Variants in ABCC11 observed in about 807,000 individuals in gnomAD.
ABCC11 encodes ATP-binding cassette sub-family C member 11.
In ABCC11, 135 loss-of-function variants were observed where a neutral mutation model predicts 149.3. That is an observed-to-expected ratio of 0.90 (90% confidence interval 0.79 to 1.04). The LOEUF is 1.04. Among genes scored for constraint, ABCC11 ranks in the 50% least tolerant of loss-of-function variants. ABCC11 has a pLI of 0.00. For missense variants in ABCC11, 1,680 were observed against 1,722.1 expected, an observed-to-expected ratio of 0.98 and a Z score of 0.43; for synonymous variants, 665 against 671.4, an observed-to-expected ratio of 0.99 and a Z score of 0.15.
chr16:48,230,009 AG>A (rs1393273645), intron 3 of ABCC11, among the ~76,000 whole-genome samples: 2 of 152,182 alleles, frequency 1.3e-5, no homozygotes, highest in African/African-American at 4.8e-5. Flanking sequence ...GGTGTCACTC[AG>A]CTTAAGCCAC....
chr16:48,242,711 C>T (rs2150944002), intron 1 of ABCC11, among the ~76,000 whole-genome samples: 1 of 152,250 alleles, frequency 6.6e-6, no homozygotes, highest in East Asian at 1.9e-4. Flanking sequence ...GAATACTATG[C>T]AGCCATAAAA....
intron 6 of ABCC11, among the ~76,000 whole-genome samples, chr16:48,218,913 A>G (rs1449884338): frequency 1.3e-5 from 2 of 152,182 alleles, no homozygotes; most frequent in Non-Finnish European, 2.9e-5. Context: ...AGGACGATCT[A>G]TGTGTGCTAA....
At chr16:48,216,633 C>T (rs2150879241) in intron 6 of ABCC11, among the ~76,000 whole-genome samples, 1 of 152,314 alleles carries the variant, frequency 6.6e-6, no homozygotes, top group African/African-American at 2.4e-5. Flanking sequence ...ACTATTACTA[C>T]TGCTACTGAA....
intron 13 of ABCC11, 51 bp downstream of exon 13, chr16:48,205,362 C>T: frequency 6.2e-7 from 1 of 1,608,588 alleles, no homozygotes; most frequent in Non-Finnish European, 8.5e-7. Context: ...GGAGGTGCCC[C>T]CAGACCAGCC....
chr16:48,242,537 C>A (rs1301191569), intron 1 of ABCC11, among the ~76,000 whole-genome samples: 2 of 152,152 alleles, frequency 1.3e-5, no homozygotes, highest in East Asian at 3.8e-4. Context: ...CCAGCCATCC[C>A]ATTGCTGGGT....
chr16:48,198,275 A>C lies in ABCC11; in HGVS notation c.2083T>G (p.Tyr695Asp). 1 of 1,614,146 alleles carries C rather than the reference A, an allele frequency of 6.2e-7. No individual in the cohort carries two copies. Among genetic ancestry groups the C allele is most frequent in the Non-Finnish European group, 8.5e-7 (1 of 1,179,984 alleles). ...ATGATCTGGCCACAAAATTCTAAGT[A>C]CTGGACAGTCAAAAGAAAGAAAGGC... The part of the protein sequence containing the change: ...TVVLVTHQLQ[Y>D]LEFCGQIILL... Residue 695 changes from tyrosine to aspartate, a missense_variant and splice_region_variant, in exon 16 of 30, where the codon TAC (tyrosine) becomes GAC (aspartate). By Grantham distance (160) the Tyr-to-Asp change is radical (BLOSUM62 -3). Coordinates refer to ENST00000356608, the MANE Select transcript of ABCC11 (RefSeq NM_001370497.1).
At chr16:48,240,247 C>T (rs189744959) in intron 1 of ABCC11, among the ~76,000 whole-genome samples, 1 of 152,228 alleles carries the variant, frequency 6.6e-6, no homozygotes. Flanking sequence ...CAGCACTAGT[C>T]ACAATAACAA....
At chr16:48,199,048 A>G (rs756809958) in intron 15 of ABCC11, among the ~76,000 whole-genome samples, 1 of 151,100 alleles carries the variant, frequency 6.6e-6, no homozygotes, top group African/African-American at 2.4e-5. Flanking sequence ...AAATATATAT[A>G]TATATCTATA....
At chr16:48,208,789 C>A (rs1956982129) in intron 11 of ABCC11, among the ~76,000 whole-genome samples, 1 of 152,146 alleles carries the variant, frequency 6.6e-6, no homozygotes, top group Admixed American at 6.5e-5. Context: ...ATGCAGCAAT[C>A]CTGGGAAAGC....
intron 11 of ABCC11, chr16:48,210,116 G>T (rs959539938): frequency 6.6e-6 from 1 of 152,202 alleles, no homozygotes; most frequent in Non-Finnish European, 1.5e-5. Flanking sequence ...CCACTGGAAG[G>T]ATGATGGTGC....
At position 48,167,555 on chromosome 16, in the gene ABCC11, C is replaced by T. The variant is rs780769605; in HGVS notation, c.3997G>A (p.Ala1333Thr). The T allele has an allele frequency of 3.7e-6, 6 of 1,614,044 alleles. No individual in the cohort carries two copies. In the South Asian group the frequency reaches 4.4e-5, roughly 12 times the overall value. Residue 1333 changes from alanine (A) to threonine (T), a missense_variant, in exon 29 of 30, where the codon GCC becomes ACC. Coordinates refer to ENST00000356608, the MANE Select transcript of ABCC11 (RefSeq NM_001370497.1). ...TTCAGCACAGTGGTGACACGGTGGG[C>T]AATGACGAGCACGGTGCAGCCCTGG... ...AFQGCTVLVI[A>T]HRVTTVLNCD...
chr16:48,215,319 T>C lies in ABCC11; in HGVS notation c.977A>G (p.Lys326Arg). Residue 326 changes from lysine to arginine, a missense_variant, in exon 8 of 30, where the codon AAG becomes AGG. Transcript: ENST00000356608. ...GACCTCAGATGTGTGATGCTGAGCC[T>C]TCACAGCCATTCTTGTCATGAATAC... is the stretch of plus-strand genomic sequence containing the variant. The part of the protein sequence containing the change: ...LAVFMTRMAV[K>R]AQHHTSEVSD... The C allele has an allele frequency of 6.2e-7, 1 of 1,613,910 alleles. No homozygotes were observed. Among genetic ancestry groups the C allele is most frequent in the Non-Finnish European group, 8.5e-7 (1 of 1,179,798 alleles).
chr16:48,175,543 T>C, intron 25 of ABCC11, 126 bp from the exon 26 acceptor site: 1 of 1,172,638 alleles, frequency 8.5e-7, no homozygotes. Context: ...CTGTGAGCCC[T>C]GAAGGGGTAG....
intron 26 of ABCC11, among the ~76,000 whole-genome samples, chr16:48,174,514 T>C (rs1965912950): frequency 6.6e-6 from 1 of 152,220 alleles, no homozygotes; most frequent in Non-Finnish European, 1.5e-5. Context: ...CTAATCTGGA[T>C]AAAGCTTTGT....
intron 24 of ABCC11, among the ~76,000 whole-genome samples, chr16:48,177,602 C>G (rs1300163136): frequency 6.6e-6 from 1 of 152,230 alleles, no homozygotes; most frequent in Non-Finnish European, 1.5e-5. Flanking sequence ...TACTTAAGAT[C>G]ACACAGTTTC....
intron 18 of ABCC11, 46 bp from the exon 19 acceptor site, chr16:48,194,028 G>C (rs113044263): frequency 1.1e-5 from 15 of 1,424,166 alleles, no homozygotes; most frequent in Non-Finnish European, 1.3e-5. Context: ...AAACAGGTGC[G>C]AGGCAACTGC....
intron 14 of ABCC11, among the ~76,000 whole-genome samples, chr16:48,202,708 G>A (rs1295694097): frequency 6.6e-6 from 1 of 152,038 alleles, no homozygotes; most frequent in Non-Finnish European, 1.5e-5. Context: ...CTACATTCAA[G>A]TCACTAGAAT....
chr16:48,244,630 G>A (rs1350889859), intron 1 of ABCC11: 30 of 1,356,356 alleles, frequency 2.2e-5, no homozygotes, highest in Non-Finnish European at 2.8e-5. Context: ...AGGTAGGCCT[G>A]GCTGCCCCCG....
At chr16:48,201,474 C>CTTTT (rs560323114) in intron 14 of ABCC11, among the ~76,000 whole-genome samples, 39 of 123,454 alleles carry the variant, frequency 3.2e-4, no homozygotes, top group African/African-American at 4.0e-4. Context: ...TTTTCTTTTT[C>CTTTT]TTTTTTTTTT....
Sources: gnomAD v4.1 joint callset for allele counts (sites outside exome capture counted in the v4.1 genomes callset) on GRCh38, gnomAD v4.1.1 for gene constraint, MANE v1.5 for transcripts, NCBI Gene and HGNC (gene_info 2026-07-23, HGNC 2026-07-21) for gene names.